Variants in ACTN2 observed in about 807,000 individuals in gnomAD.
The protein encoded by ACTN2 is alpha-actinin-2.
Under a neutral mutation model 113.8 loss-of-function variants are expected in ACTN2, and 39 were observed. The observed-to-expected ratio is 0.34, with a 90% confidence interval of 0.27 to 0.45. ACTN2 has a LOEUF of 0.45. Among genes scored for constraint, ACTN2 ranks in the 20% least tolerant of loss-of-function variants. The pLI is 1.00. For missense variants in ACTN2, 992 were observed against 1,177.9 expected (o/e 0.84, Z 2.31); for synonymous variants, 429 against 444.1 (o/e 0.97, Z 0.43).
chr1:236,705,193 C>A (rs1193141505), intron 1 of ACTN2, among the ~76,000 whole-genome samples: 2 of 151,708 alleles, frequency 1.3e-5, no homozygotes, highest in East Asian at 1.9e-4. Flanking sequence ...TAAATATATA[C>A]CTGTGTGTGT....
chr1:236,713,295 T>A (rs886973589), intron 1 of ACTN2, among the ~76,000 whole-genome samples: 1 of 152,058 alleles, frequency 6.6e-6, no homozygotes, highest in Non-Finnish European at 1.5e-5. Flanking sequence ...TGGCACGATC[T>A]TGGCTCACTG....
chr1:236,718,144 T>TA (rs35724064), intron 2 of ACTN2, among the ~76,000 whole-genome samples, 172 bp downstream of exon 2: 2 of 152,104 alleles, frequency 1.3e-5, no homozygotes, highest in African/African-American at 2.4e-5. Context: ...TTTTCCGTTC[T>TA]AAAAAAAGGA....
chr1:236,715,484 G>A (rs1254522271), intron 1 of ACTN2, among the ~76,000 whole-genome samples: 1 of 151,926 alleles, frequency 6.6e-6, no homozygotes, highest in Non-Finnish European at 1.5e-5. Context: ...TTTCTGTGAT[G>A]ATAGGAATGT....
intron 1 of ACTN2, among the ~76,000 whole-genome samples, chr1:236,698,706 A>G (rs547634630): frequency 6.6e-6 from 1 of 152,378 alleles, no homozygotes; most frequent in East Asian, 1.9e-4. Flanking sequence ...ATCAGACAGT[A>G]AAAGTGATAA....
intron 11 of ACTN2, 141 bp from the exon 12 acceptor site, chr1:236,744,485 T>C: frequency 9.8e-7 from 1 of 1,019,096 alleles, no homozygotes; most frequent in South Asian, 1.4e-5. Flanking sequence ...ATCACAACCC[T>C]GGCCTGCATC....
chr1:236,711,061 A>G (rs1237669624), intron 1 of ACTN2, among the ~76,000 whole-genome samples: 1 of 152,252 alleles, frequency 6.6e-6, no homozygotes, highest in Admixed American at 6.5e-5. Context: ...TATGACTCCA[A>G]GGCACGGGAA....
At position 236,760,352 on chromosome 1, in the gene ACTN2, A is replaced by G. The variant is rs894364290; in HGVS notation, c.2367+563A>G. ...GAACATAGGCTTTTTGATTGTTTTA[A>G]ACAGCTTTACTGAGATATAACTCAC... On this transcript the variant is annotated intron_variant, in intron 19 of 20. Coordinates refer to ENST00000366578, the MANE Select transcript of ACTN2 (RefSeq NM_001103.4). Among the ~76,000 whole-genome samples the G allele has an allele frequency of 3.3e-5, 5 of 152,186 alleles. No individual in the cohort carries two copies. The East Asian group carries it at 5.8e-4, about 18-fold the overall frequency.
At chr1:236,734,863 A>C (rs6428968) in intron 7 of ACTN2, among the ~76,000 whole-genome samples, 33,225 of 152,138 alleles carry the variant, frequency 0.22, 3,710 homozygotes, top group East Asian at 0.32. Context: ...CAAGTTTATG[A>C]ACGAGGTTAA....
At chr1:236,687,887 A>T (rs1665932693) in intron 1 of ACTN2, among the ~76,000 whole-genome samples, 1 of 152,212 alleles carries the variant, frequency 6.6e-6, no homozygotes, top group African/African-American at 2.4e-5. Context: ...TTATATCAGG[A>T]TGTCTCTTGT....
chr1:236,740,095 G>A (rs912584671), intron 10 of ACTN2, among the ~76,000 whole-genome samples: 12 of 151,006 alleles, frequency 7.9e-5, no homozygotes, highest in African/African-American at 2.7e-4. Context: ...ACCTATTTCC[G>A]CTCCCTCCCC....
intron 1 of ACTN2, among the ~76,000 whole-genome samples, chr1:236,706,855 A>G (rs1657837473): frequency 6.6e-6 from 1 of 152,218 alleles, no homozygotes; most frequent in Non-Finnish European, 1.5e-5. Flanking sequence ...ATGCAGGCGC[A>G]CCTGCTGGGT....
At chr1:236,717,261 T>C (rs776871493) in intron 1 of ACTN2, among the ~76,000 whole-genome samples, 2 of 151,918 alleles carry the variant, frequency 1.3e-5, no homozygotes, top group Non-Finnish European at 2.9e-5. Context: ...CTGGGCAACA[T>C]AGCAAGACCC....
chr1:236,723,209 C>T (rs1376625510), intron 4 of ACTN2, among the ~76,000 whole-genome samples: 1 of 152,158 alleles, frequency 6.6e-6, no homozygotes, highest in Non-Finnish European at 1.5e-5. Context: ...TTCTTAATTT[C>T]ATTGGTCAGG....
chr1:236,741,207 G>C (rs1040961639), intron 10 of ACTN2, among the ~76,000 whole-genome samples: 1 of 151,998 alleles, frequency 6.6e-6, no homozygotes, highest in African/African-American at 2.4e-5. Context: ...ACCATGCCTG[G>C]CTAATTATTT....
intron 4 of ACTN2, among the ~76,000 whole-genome samples, 199 bp from the exon 5 acceptor site, chr1:236,725,734 T>A (rs1658529164): frequency 6.6e-6 from 1 of 152,234 alleles, no homozygotes; most frequent in Admixed American, 6.5e-5. Flanking sequence ...TGCTCCTGCA[T>A]TGTCCTTTTG....
rs1477320127 is a variant in ACTN2 at position 236,754,407 on chromosome 1, C to G, written c.1974+326C>G. 1.3e-5 allele frequency among the ~76,000 whole-genome samples: 2 copies of G among 152,180 alleles called. No individual in the cohort carries two copies. The highest frequency in any genetic ancestry group is 4.8e-5 in the African/African-American group (2 of 41,450). ...AGGGCCTGGATTTCAAACCATCTAT[C>G]CCTACAAGGAGGACACGTGAAGGCC... On this transcript the variant is annotated intron_variant, in intron 16 of 20. Transcript: ENST00000366578. The surrounding 1 kb of genome is among the most constrained non-coding windows in gnomAD (Gnocchi z 4.9).
chr1:236,736,527 T>C, intron 8 of ACTN2: 1 of 1,359,138 alleles, frequency 7.4e-7, no homozygotes, highest in Non-Finnish European at 1.0e-6. Flanking sequence ...TGACAGAGAA[T>C]TGTGTATTAC....
At chr1:236,760,737 C>T (rs769846256) in intron 19 of ACTN2, among the ~76,000 whole-genome samples, 3 of 152,156 alleles carry the variant, frequency 2.0e-5, no homozygotes, top group Non-Finnish European at 2.9e-5. Flanking sequence ...AATTACGTCA[C>T]GTGACCCATC....
chr1:236,756,841 A>G (rs1287716990), intron 17 of ACTN2, among the ~76,000 whole-genome samples: 1 of 15,388 alleles, frequency 6.5e-5, no homozygotes, highest in African/African-American at 2.6e-4. Context: ...CACCGTTAGA[A>G]CCCTGGTTAT....
Sources: allele counts gnomAD v4.1 joint callset (sites outside exome capture counted in the v4.1 genomes callset), GRCh38; gene constraint gnomAD v4.1.1; non-coding constraint Gnocchi (gnomAD v3.1); transcripts MANE v1.5; gene names NCBI Gene and HGNC (gene_info 2026-07-23, HGNC 2026-07-21).